TMEM163: variants seen among roughly 807,000 people sequenced by gnomAD.
TMEM163 encodes transmembrane protein 163.
Under a neutral mutation model 29.3 loss-of-function variants are expected in TMEM163, and 17 were observed. The ratio of observed to expected loss-of-function variants is 0.58; its 90% CI spans 0.40 to 0.87. The LOEUF (loss-of-function observed/expected upper bound fraction) is 0.87, where lower values mean the gene tolerates loss of function less well. Among genes scored for constraint, TMEM163 ranks in the 40% least tolerant of loss-of-function variants. The pLI, the probability that TMEM163 is intolerant of heterozygous loss-of-function variation, is 0.00. For synonymous variants in TMEM163, 157 were observed against 160.6 expected, an observed-to-expected ratio of 0.98 and a Z score of 0.17; for missense variants, 303 against 381.5, an observed-to-expected ratio of 0.79 and a Z score of 1.71.
At chr2:134,513,806 A>G (rs868841657) in intron 4 of TMEM163, among the ~76,000 whole-genome samples, 19 of 152,290 alleles carry the variant, frequency 1.2e-4, no homozygotes, top group Middle Eastern at 3.4e-3. Context: ...GGCCCATCAG[A>G]CACTCTCCCT....
chr2:134,678,344 C>T (rs1684159706), intron 2 of TMEM163, among the ~76,000 whole-genome samples: 1 of 152,180 alleles, frequency 6.6e-6, no homozygotes, highest in African/African-American at 2.4e-5. Context: ...GGCAGTACGC[C>T]CTGTCTCATT....
At chr2:134,467,435 G>A (rs1686695469) in intron 5 of TMEM163, 1 of 152,280 alleles carries the variant, frequency 6.6e-6, no homozygotes, top group South Asian at 2.1e-4. Context: ...AAGTTGTGTT[G>A]GTAACATGTG....
chr2:134,577,931 G>A (rs1681602022), intron 2 of TMEM163, among the ~76,000 whole-genome samples: 1 of 152,138 alleles, frequency 6.6e-6, no homozygotes, highest in Non-Finnish European at 1.5e-5. Flanking sequence ...AAGTATACGG[G>A]AGGATGTGTG....
intron 2 of TMEM163, among the ~76,000 whole-genome samples, chr2:134,650,524 GTTT>G (rs1558978190): frequency 4.3e-5 from 6 of 139,980 alleles, no homozygotes; most frequent in African/African-American, 1.8e-4. Flanking sequence ...TTGTTTGTTT[GTTT>G]GTTTGTTTTG....
intron 2 of TMEM163, among the ~76,000 whole-genome samples, chr2:134,677,763 A>G (rs1684147320): frequency 6.6e-6 from 1 of 152,222 alleles, no homozygotes; most frequent in South Asian, 2.1e-4. Context: ...TTACTTCTAT[A>G]ATATTATTTT....
At chr2:134,622,888 G>A (rs1388234667) in intron 2 of TMEM163, among the ~76,000 whole-genome samples, 3 of 151,892 alleles carry the variant, frequency 2.0e-5, no homozygotes, top group Admixed American at 1.3e-4. Flanking sequence ...TCAGCCTCCC[G>A]AGTTGCTGGG....
chr2:134,464,588 G>A (rs1052334921), intron 6 of TMEM163, among the ~76,000 whole-genome samples: 1 of 152,200 alleles, frequency 6.6e-6, no homozygotes, highest in East Asian at 1.9e-4. Flanking sequence ...CTCTTCCGAG[G>A]GTAGCCATGG....
In TMEM163 at chr2:134,650,485, T is replaced by C. The variant is rs137970111; in HGVS notation, c.322+62715A>G. Among the ~76,000 whole-genome samples the C allele has an allele frequency of 6.7e-3, 986 of 146,778 alleles. 9 individuals carry two copies. The highest frequency in any genetic ancestry group is 0.025 in the African/African-American group (933 of 37,582). On this transcript the variant is annotated intron_variant, in intron 2 of 7. Coordinates refer to ENST00000281924, the MANE Select transcript of TMEM163 (RefSeq NM_030923.5). ...GAGAATCTGACTTCTTCTTCTCCTA[T>C]TTGGATGCCTTCTATTTCTTTTTTT... is the stretch of plus-strand genomic sequence containing the variant.
intron 2 of TMEM163, among the ~76,000 whole-genome samples, chr2:134,701,991 A>C (rs1429895980): frequency 6.6e-6 from 1 of 151,760 alleles, no homozygotes; most frequent in African/African-American, 2.4e-5. Flanking sequence ...TCAGCTCCCA[A>C]AATTCAAGCA....
rs537971674 is a variant in TMEM163 at position 134,585,203 on chromosome 2, G to A, written c.323-33112C>T. Reference sequence around the variant, plus strand: ...TTTTTTAGAGACAGGGTCTCACTGTGTTGTCCAAGCCAGATTCAAACTCCT... The same window carrying A: ...TTTTTTAGAGACAGGGTCTCACTGTATTGTCCAAGCCAGATTCAAACTCCT... On this transcript the variant is annotated intron_variant, in intron 2 of 7. Transcript: ENST00000281924. Among the ~76,000 whole-genome samples, 12 of 152,218 alleles carry A rather than the reference G, an allele frequency of 7.9e-5. No homozygotes were observed. In the East Asian group the frequency reaches 2.3e-3, roughly 29 times the overall value.
intron 4 of TMEM163, among the ~76,000 whole-genome samples, chr2:134,523,662 G>C (rs2582922): frequency 0.24 from 36,916 of 152,066 alleles, 5,093 homozygotes; most frequent in East Asian, 0.59. Flanking sequence ...CCTCTTCCAG[G>C]CATTTAGGAT....
chr2:134,489,598 T>A (rs1335354439), intron 5 of TMEM163, among the ~76,000 whole-genome samples: 2 of 150,514 alleles, frequency 1.3e-5, no homozygotes, highest in Admixed American at 1.3e-4. Flanking sequence ...AAAGTTGCAG[T>A]GTGTTATGTG....
In TMEM163 at chr2:134,513,960, T is replaced by C. The variant is rs575994899; in HGVS notation, c.459-10963A>G. Among the ~76,000 whole-genome samples the C allele has an allele frequency of 5.3e-5, 8 of 152,338 alleles. No homozygotes were observed. In the South Asian group the frequency reaches 1.7e-3, roughly 32 times the overall value. ...CACCCCTGGGTGTAGCCAGGCTTCC[T>C]GTAGCAGGCGGGCTGTCTTTCCCCG... On this transcript the variant is annotated intron_variant, in intron 4 of 7. Transcript: ENST00000281924.
At chr2:134,684,488 T>C (rs1684312469) in intron 2 of TMEM163, among the ~76,000 whole-genome samples, 1 of 152,122 alleles carries the variant, frequency 6.6e-6, no homozygotes, top group East Asian at 1.9e-4. Context: ...GAAGAGGTTT[T>C]CTTCTGAGGG....
rs1481413244 is a variant in TMEM163 at position 134,456,008 on chromosome 2, A to T, written c.*708T>A. 2 of 152,690 alleles carry T rather than the reference A, an allele frequency of 1.3e-5. No individual in the cohort carries two copies. The highest frequency in any genetic ancestry group is 1.3e-4 in the Admixed American group (2 of 15,294). The allele number at this position is 152,690 out of a possible 1,614,324, so 9.5% of individuals were successfully genotyped here. A position where few individuals can be genotyped will look rare whatever the true frequency, so the allele number is the denominator to read the frequency against. On this transcript the variant is annotated 3_prime_UTR_variant, in exon 8 of 8. Transcript: ENST00000281924. ...TACGGATAGATTATATTTATTTATT[A>T]CAAATAAACTGTAGTTTCACATCTC...
rs1278678735 is a variant in TMEM163, at chr2:134,493,926, G to A, written c.555+8975C>T. On this transcript the variant is annotated intron_variant, in intron 5 of 7. Coordinates refer to ENST00000281924, the MANE Select transcript of TMEM163 (RefSeq NM_030923.5). ...ACCTCTGTCAAAAACCACTTGACTA[G>A]ATATGTGCAGGTCTATTTCTGGATC... Among the ~76,000 whole-genome samples the A allele has an allele frequency of 2.0e-5, 3 of 152,146 alleles. No individual in the cohort carries two copies. The East Asian group carries it at 5.8e-4, about 29-fold the overall frequency.
At position 134,466,171 on chromosome 2, in the gene TMEM163, C is replaced by T. The variant is rs1476087689; in HGVS notation, c.610G>A (p.Ala204Thr). ...TTCCCCAGCATGAACTTCAACACGG[C>T]CAGGATGCTGCAAAGAATCCCACTT... ...ILSGILCSIL[A>T]VLKFMLGKVL... is the part of the protein sequence containing the mutation. The change falls in exon 6 of 8, where the codon GCC (alanine) becomes ACC (threonine). Residue 204 changes from alanine (A) to threonine (T), a missense_variant. By Grantham distance (58) the Ala-to-Thr change is moderately conservative. Coordinates refer to ENST00000281924, the MANE Select transcript of TMEM163 (RefSeq NM_030923.5). 1 of 1,614,042 alleles carries T rather than the reference C, an allele frequency of 6.2e-7. No individual in the cohort carries two copies. Among genetic ancestry groups the T allele is most frequent in the Non-Finnish European group, 8.5e-7 (1 of 1,179,996 alleles).
intron 2 of TMEM163, among the ~76,000 whole-genome samples, chr2:134,636,604 T>A (rs1374835671): frequency 8.5e-5 from 13 of 152,188 alleles, no homozygotes; most frequent in African/African-American, 3.1e-4. Flanking sequence ...ACAAAGACCA[T>A]AACAGCCCTT....
chr2:134,480,770 T>C (rs1687034338), intron 5 of TMEM163, among the ~76,000 whole-genome samples: 1 of 152,172 alleles, frequency 6.6e-6, no homozygotes, highest in Admixed American at 6.5e-5. Flanking sequence ...GTCACAGGAA[T>C]AAAACTCATT....
Sources: gnomAD v4.1 joint callset for allele counts (sites outside exome capture counted in the v4.1 genomes callset) on GRCh38, gnomAD v4.1.1 for gene constraint, MANE v1.5 for transcripts, NCBI Gene and HGNC (gene_info 2026-07-23, HGNC 2026-07-21) for gene names.